The following UBE3D variants were observed in gnomAD, a reference collection of about 807,000 sequenced individuals.
The protein encoded by UBE3D is ubiquitin protein ligase E3D, also known as E3 ubiquitin-protein ligase E3D.
A neutral mutation model predicts 49.6 loss-of-function variants in UBE3D; 48 were observed. That is an observed-to-expected ratio of 0.97 (90% confidence interval 0.77 to 1.23). The LOEUF (loss-of-function observed/expected upper bound fraction) is 1.23, where lower values mean the gene tolerates loss of function less well. UBE3D is among the 50% of genes most tolerant of loss of function. UBE3D has a pLI of 0.00. For synonymous variants in UBE3D, 189 were observed against 174.2 expected (o/e 1.08, Z -0.67); for missense variants, 452 against 468.4 (o/e 0.96, Z 0.32).
intron 9 of UBE3D, among the ~76,000 whole-genome samples, chr6:82,906,243 C>T (rs902984413): frequency 6.6e-6 from 1 of 152,038 alleles, no homozygotes; most frequent in African/African-American, 2.4e-5. Flanking sequence ...GGTCCCTCTT[C>T]CTTCCCTTTT....
At chr6:82,954,102 T>G (rs1329068875) in intron 9 of UBE3D, among the ~76,000 whole-genome samples, 2 of 152,208 alleles carry the variant, frequency 1.3e-5, no homozygotes, top group Non-Finnish European at 2.9e-5. Flanking sequence ...AGGGCCAAGA[T>G]GTTCCCCGGC....
At chr6:82,917,809 T>A (rs554001362) in intron 9 of UBE3D, among the ~76,000 whole-genome samples, 12 of 152,260 alleles carry the variant, frequency 7.9e-5, no homozygotes, top group Admixed American at 6.5e-4. Context: ...AACACAGAAC[T>A]CTCAGGGCTG....
chr6:82,978,757 C>A (rs1300934801), intron 8 of UBE3D, among the ~76,000 whole-genome samples: 1 of 152,192 alleles, frequency 6.6e-6, no homozygotes, highest in Non-Finnish European at 1.5e-5. Context: ...ACAAAATACA[C>A]ACAACGCACC....
intron 1 of UBE3D, among the ~76,000 whole-genome samples, chr6:83,058,440 T>C (rs770546422): frequency 1.3e-5 from 2 of 152,210 alleles, no homozygotes; most frequent in African/African-American, 2.4e-5. Flanking sequence ...CAGTGATGTA[T>C]GAATATCAGG....
chr6:83,035,893 A>C (rs1013826643), intron 5 of UBE3D: 7 of 152,240 alleles, frequency 4.6e-5, no homozygotes, highest in Admixed American at 3.3e-4. Context: ...TTCATTCAAC[A>C]AATACTTACT....
At chr6:83,027,183 A>G (rs1177747789) in intron 5 of UBE3D, among the ~76,000 whole-genome samples, 1 of 151,912 alleles carries the variant, frequency 6.6e-6, no homozygotes, top group African/African-American at 2.4e-5. Flanking sequence ...CACGCCTGTA[A>G]TCCCAGCACT....
intron 9 of UBE3D, among the ~76,000 whole-genome samples, chr6:82,912,013 G>A (rs1772563099): frequency 6.6e-6 from 1 of 151,350 alleles, no homozygotes; most frequent in Admixed American, 6.6e-5. Flanking sequence ...AGGAAACCAG[G>A]CTTCTCTCCT....
intron 9 of UBE3D, among the ~76,000 whole-genome samples, chr6:82,953,222 G>A (rs1436301401): frequency 6.6e-6 from 1 of 152,206 alleles, no homozygotes; most frequent in Non-Finnish European, 1.5e-5. Context: ...TACTGCGTTG[G>A]TTTCTGGCAC....
At chr6:82,884,524 T>G in the UBE3D span, among the ~76,000 whole-genome samples, 1 of 152,192 alleles carries the variant, frequency 6.6e-6, no homozygotes, top group East Asian at 1.9e-4. Context: ...GGTTTATTCC[T>G]GCTCATTTCA....
At chr6:82,946,619 A>G (rs1775421162) in intron 9 of UBE3D, among the ~76,000 whole-genome samples, 1 of 152,128 alleles carries the variant, frequency 6.6e-6, no homozygotes, top group Admixed American at 6.6e-5. Context: ...GACTATTATA[A>G]CACTGTAACT....
intron 8 of UBE3D, chr6:83,018,005 GA>G (rs1173329130): frequency 6.6e-6 from 1 of 152,132 alleles, no homozygotes; most frequent in Non-Finnish European, 1.5e-5. Context: ...AAAGGAAGTG[GA>G]AGAGTAGACA....
intron 9 of UBE3D, among the ~76,000 whole-genome samples, chr6:82,917,345 A>G (rs1324407650): frequency 2.6e-5 from 4 of 152,134 alleles, no homozygotes; most frequent in Non-Finnish European, 4.4e-5. Flanking sequence ...CTCACACCCC[A>G]GAGACCACCC....
At chr6:83,002,696 C>G (rs111650911) in intron 8 of UBE3D, among the ~76,000 whole-genome samples, 2 of 152,136 alleles carry the variant, frequency 1.3e-5, no homozygotes, top group South Asian at 4.1e-4. Flanking sequence ...AACAAACAAA[C>G]AAAAGGCTGG....
chr6:82,911,456 G>A (rs995960514), intron 9 of UBE3D, among the ~76,000 whole-genome samples: 11 of 152,188 alleles, frequency 7.2e-5, no homozygotes, highest in African/African-American at 2.6e-4. Context: ...ACTGGTTTTT[G>A]TTGTTTTTCT....
chr6:83,015,241 A>C (rs977279193), intron 8 of UBE3D, among the ~76,000 whole-genome samples: 1 of 152,170 alleles, frequency 6.6e-6, no homozygotes, highest in South Asian at 2.1e-4. Context: ...GGTCAAGGGT[A>C]TATCTTCTGG....
intron 8 of UBE3D, among the ~76,000 whole-genome samples, chr6:83,012,649 T>G (rs531542431): frequency 6.6e-6 from 1 of 152,364 alleles, no homozygotes; most frequent in African/African-American, 2.4e-5. Flanking sequence ...TTTTGACCAC[T>G]CAGAGAGGTC....
chr6:82,990,135 C>T (rs996422775), intron 8 of UBE3D, among the ~76,000 whole-genome samples: 3 of 152,148 alleles, frequency 2.0e-5, no homozygotes, highest in Non-Finnish European at 4.4e-5. Context: ...AATTTGAAAA[C>T]AACTTAGCTG....
At chr6:83,019,258 T>A (rs1780916988) in intron 7 of UBE3D, 122 bp from the exon 8 acceptor site, 4 of 938,094 alleles carry the variant, frequency 4.3e-6, no homozygotes, top group Non-Finnish European at 5.9e-6. Context: ...GAGAATCATG[T>A]ACATAATTTT....
In UBE3D at chr6:83,065,610, C is replaced by G. The variant is rs186970616; in HGVS notation, c.77+32G>C. 1.4e-3 allele frequency: 2,334 copies of G among 1,609,924 alleles called. 4 individuals carry two copies. The highest frequency in any genetic ancestry group is 1.8e-3 in the Non-Finnish European group (2,128 of 1,176,730). On this transcript the variant is annotated intron_variant, in intron 1 of 9. Coordinates refer to ENST00000369747, the MANE Select transcript of UBE3D (RefSeq NM_198920.3). Reference sequence around the variant, plus strand: ...GACCCCCGGGCAGCAGTAAAGCGAGCTGGGCACTGCGCCTAGAATCCCAGT... The same window carrying G: ...GACCCCCGGGCAGCAGTAAAGCGAGGTGGGCACTGCGCCTAGAATCCCAGT...
Sources: allele counts gnomAD v4.1 joint callset (sites outside exome capture counted in the v4.1 genomes callset), GRCh38; gene constraint gnomAD v4.1.1; transcripts MANE v1.5; gene names NCBI Gene and HGNC (gene_info 2026-07-23, HGNC 2026-07-21).